SYNPR: variants seen among roughly 807,000 people sequenced by gnomAD.
SYNPR encodes synaptoporin.
SYNPR carries 23 observed loss-of-function variants against 32.9 expected under a neutral mutation model. The observed-to-expected ratio is 0.70, with a 90% CI of 0.50 to 0.99. SYNPR has a LOEUF of 0.99. SYNPR is among the 50% of genes least tolerant of loss of function. The pLI, the probability that SYNPR is intolerant of heterozygous loss-of-function variation, is 0.00. For synonymous variants in SYNPR, 146 were observed against 135.9 expected, an observed-to-expected ratio of 1.07 and a Z score of -0.52; for missense variants, 318 against 349.3, an observed-to-expected ratio of 0.91 and a Z score of 0.71.
At chr3:63,355,474 T>C (rs2107025201) in intron 2 of SYNPR, among the ~76,000 whole-genome samples, 1 of 152,224 alleles carries the variant, frequency 6.6e-6, no homozygotes. Context: ...TTGTTCCACG[T>C]CCTCATGGTC....
At chr3:63,309,403 A>G (rs1488944735) in intron 2 of SYNPR, among the ~76,000 whole-genome samples, 2 of 151,974 alleles carry the variant, frequency 1.3e-5, no homozygotes, top group African/African-American at 4.8e-5. Flanking sequence ...TGGATGCCAG[A>G]TACTTTGATT....
chr3:63,535,551 C>T (rs1262251881), intron 3 of SYNPR, among the ~76,000 whole-genome samples: 10 of 151,948 alleles, frequency 6.6e-5, no homozygotes, highest in African/African-American at 2.2e-4. Context: ...TCTAGGTAAT[C>T]AAGACAGCAT....
chr3:63,272,785 G>A (rs1174337122), intron 3 of SYNPR, among the ~76,000 whole-genome samples: 1 of 152,100 alleles, frequency 6.6e-6, no homozygotes, highest in Non-Finnish European at 1.5e-5. Context: ...ATGGATTTGA[G>A]ACTAATCTCA....
chr3:63,210,246 G>T, the SYNPR span, among the ~76,000 whole-genome samples: 1 of 152,136 alleles, frequency 6.6e-6, no homozygotes, highest in East Asian at 1.9e-4. Flanking sequence ...TTTAGATGCA[G>T]GGCCTACTGT....
intron 2 of SYNPR, among the ~76,000 whole-genome samples, chr3:63,378,730 T>TAGTATTAGTAA (rs1560210364): frequency 2.6e-5 from 4 of 152,124 alleles, no homozygotes; most frequent in Non-Finnish European, 5.9e-5. Flanking sequence ...ATACCCTGTC[T>TAGTATTAGTAA]CATTTCTAGT....
chr3:63,256,451 G>A, intron 2 of SYNPR, among the ~76,000 whole-genome samples: 1 of 152,174 alleles, frequency 6.6e-6, no homozygotes, highest in East Asian at 1.9e-4. Flanking sequence ...TGATACCCAG[G>A]CAAACAGGGT....
intron 2 of SYNPR, among the ~76,000 whole-genome samples, chr3:63,259,196 G>T (rs1324466723): frequency 6.6e-6 from 1 of 152,132 alleles, no homozygotes; most frequent in Non-Finnish European, 1.5e-5. Context: ...AACAGAAAAA[G>T]ACGGAATCCT....
chr3:63,270,093 A>G (rs1281558753), intron 3 of SYNPR, among the ~76,000 whole-genome samples: 1 of 152,228 alleles, frequency 6.6e-6, no homozygotes, highest in Non-Finnish European at 1.5e-5. Flanking sequence ...AGAAATCTGG[A>G]CAAAGCAGAT....
intron 2 of SYNPR, among the ~76,000 whole-genome samples, chr3:63,372,611 C>T (rs1311609925): frequency 6.6e-6 from 1 of 152,198 alleles, no homozygotes; most frequent in African/African-American, 2.4e-5. Flanking sequence ...GCAGTTCCAC[C>T]CCAGGCTGAT....
At chr3:63,518,801 A>T (rs901487465) in intron 3 of SYNPR, among the ~76,000 whole-genome samples, 2 of 152,160 alleles carry the variant, frequency 1.3e-5, no homozygotes, top group African/African-American at 2.4e-5. Context: ...GGGACAAGCA[A>T]CCTGCTCAGA....
intron 2 of SYNPR, among the ~76,000 whole-genome samples, chr3:63,335,525 G>A (rs552056574): frequency 1.6e-4 from 24 of 152,110 alleles, no homozygotes; most frequent in African/African-American, 4.3e-4. Flanking sequence ...CCAAATTAAC[G>A]CACATTAAAG....
At chr3:63,336,263 T>C (rs1225775675) in intron 2 of SYNPR, among the ~76,000 whole-genome samples, 9 of 151,836 alleles carry the variant, frequency 5.9e-5, no homozygotes, top group Non-Finnish European at 1.2e-4. Context: ...AAGATGAAAC[T>C]AAAAACTATC....
chr3:63,600,688 A>G (rs1002459483), intron 4 of SYNPR, among the ~76,000 whole-genome samples: 5 of 152,098 alleles, frequency 3.3e-5, no homozygotes, highest in African/African-American at 1.2e-4. Context: ...AGCAACTGGC[A>G]TTTCCCCTGC....
intron 4 of SYNPR, among the ~76,000 whole-genome samples, chr3:63,581,539 A>G (rs776220222): frequency 6.6e-6 from 1 of 152,130 alleles, no homozygotes; most frequent in Non-Finnish European, 1.5e-5. Context: ...TTTCCAACCT[A>G]CAGGCAACCT....
intron 2 of SYNPR, among the ~76,000 whole-genome samples, chr3:63,470,065 A>G (rs1700766658): frequency 6.6e-6 from 1 of 152,328 alleles, no homozygotes; most frequent in East Asian, 1.9e-4. Flanking sequence ...AGACATTGCA[A>G]TAATGCAAAA....
chr3:63,434,497 A>T (rs187920943), intron 2 of SYNPR, among the ~76,000 whole-genome samples: 2 of 142,978 alleles, frequency 1.4e-5, no homozygotes, highest in African/African-American at 4.9e-5. Flanking sequence ...ATCAGCGAAA[A>T]AGTCAAGTAC....
intron 2 of SYNPR, among the ~76,000 whole-genome samples, chr3:63,450,281 A>T (rs1250461196): frequency 6.6e-6 from 1 of 152,176 alleles, no homozygotes; most frequent in Non-Finnish European, 1.5e-5. Context: ...CGGATGGATC[A>T]GGTGTGTGAG....
intron 2 of SYNPR, among the ~76,000 whole-genome samples, chr3:63,378,466 T>C (rs1195789704): frequency 6.6e-6 from 1 of 152,082 alleles, no homozygotes; most frequent in Non-Finnish European, 1.5e-5. Context: ...TTGAACATAC[T>C]TGCTTTGGTC....
At chr3:63,522,979 G>T (rs189264324) in intron 3 of SYNPR, among the ~76,000 whole-genome samples, 2 of 152,240 alleles carry the variant, frequency 1.3e-5, no homozygotes, top group Admixed American at 6.5e-5. Flanking sequence ...AGTGGAATAT[G>T]GGGGAGCATG....
Sources: gnomAD v4.1 joint callset for allele counts (sites outside exome capture counted in the v4.1 genomes callset) on GRCh38, gnomAD v4.1.1 for gene constraint, MANE v1.5 for transcripts, NCBI Gene and HGNC (gene_info 2026-07-23, HGNC 2026-07-21) for gene names.